The following ZFHX3 variants were observed in gnomAD, a reference collection of about 807,000 sequenced individuals.
ZFHX3 encodes zinc finger homeobox 3.
A neutral mutation model predicts 279.1 loss-of-function variants in ZFHX3; 42 were observed. The ratio of observed to expected loss-of-function variants is 0.15; its 90% CI spans 0.12 to 0.19. ZFHX3 has a LOEUF of 0.19. Ranked by LOEUF, ZFHX3 falls within the 10% of genes least tolerant of loss-of-function variation. The probability of loss-of-function intolerance (pLI) is 1.00; values close to 1 mark genes in which losing one functional copy is unlikely to be tolerated. For synonymous variants in ZFHX3, 2,293 were observed against 1,957.8 expected, an observed-to-expected ratio of 1.17 and a Z score of -4.52; for missense variants, 4,981 against 4,754.0, an observed-to-expected ratio of 1.05 and a Z score of -1.40.
At chr16:73,486,442 G>A (rs888128486) in intron 2 of ZFHX3, among the ~76,000 whole-genome samples, 6 of 132,364 alleles carry the variant, frequency 4.5e-5, no homozygotes, top group African/African-American at 9.7e-5. Context: ...TGCTTTGTTT[G>A]TGTGTGTTTG....
At chr16:73,383,868 AAC>A (rs1033458493) in intron 3 of ZFHX3, among the ~76,000 whole-genome samples, 3 of 152,248 alleles carry the variant, frequency 2.0e-5, no homozygotes, top group African/African-American at 7.2e-5. Flanking sequence ...GCTCTGCACA[AAC>A]ACACATTTCT....
At chr16:73,415,544 C>T (rs1056674409) in intron 3 of ZFHX3, among the ~76,000 whole-genome samples, 3 of 152,188 alleles carry the variant, frequency 2.0e-5, no homozygotes, top group Non-Finnish European at 4.4e-5. Context: ...GACTTCATCC[C>T]AAATGGAGCT....
intron 3 of ZFHX3, among the ~76,000 whole-genome samples, chr16:73,436,526 G>C (rs896010650): frequency 3.3e-5 from 5 of 152,112 alleles, no homozygotes; most frequent in Non-Finnish European, 4.4e-5. Context: ...CCACCCCCAC[G>C]ATTCAGTTAT....
Position 73,465,458 on chromosome 16 carries a change from G to A in ZFHX3, c.-1546-9200C>T, listed in dbSNP as rs555065643. On this transcript the variant is annotated intron_variant, in intron 2 of 17. Transcript: ENST00000641206. Reference sequence around the variant, plus strand: ...CGCCACCTCGAAAGCTGCCTCGCCCGTCTCCTCCTGGTGCCTCTGAGGTCT... The same window carrying A: ...CGCCACCTCGAAAGCTGCCTCGCCCATCTCCTCCTGGTGCCTCTGAGGTCT... 1.7e-4 allele frequency among the ~76,000 whole-genome samples: 26 copies of A among 152,198 alleles called. No homozygotes were observed. In the South Asian group the frequency reaches 2.5e-3, roughly 15 times the overall value.
intron 2 of ZFHX3, among the ~76,000 whole-genome samples, chr16:73,549,240 T>C (rs2020168620): frequency 6.6e-6 from 1 of 152,156 alleles, no homozygotes; most frequent in South Asian, 2.1e-4. Flanking sequence ...AAATATTGCA[T>C]GGAAATCAAT....
At chr16:73,693,765 T>C (rs879407026) in intron 1 of ZFHX3, among the ~76,000 whole-genome samples, 17 of 152,120 alleles carry the variant, frequency 1.1e-4, no homozygotes, top group Admixed American at 3.3e-4. Flanking sequence ...ATATCCACCT[T>C]CCATTTACAA....
intron 3 of ZFHX3, among the ~76,000 whole-genome samples, chr16:73,431,168 T>A (rs1426185701): frequency 6.6e-6 from 1 of 152,204 alleles, no homozygotes; most frequent in Non-Finnish European, 1.5e-5. Flanking sequence ...TTATACATGC[T>A]AAGGTAGTCT....
chr16:73,642,547 A>G (rs896965133), intron 2 of ZFHX3, among the ~76,000 whole-genome samples: 3 of 152,210 alleles, frequency 2.0e-5, no homozygotes, highest in African/African-American at 7.2e-5. Flanking sequence ...GTTTACAGCC[A>G]CTTGAAATAT....
intron 2 of ZFHX3, among the ~76,000 whole-genome samples, chr16:73,514,657 C>T (rs1003958359): frequency 1.3e-5 from 2 of 152,190 alleles, no homozygotes; most frequent in African/African-American, 2.4e-5. Flanking sequence ...TTACAAGTGA[C>T]GAGCTGAAGC....
chr16:73,315,014 G>A (rs1448836807), intron 4 of ZFHX3, among the ~76,000 whole-genome samples: 1 of 152,078 alleles, frequency 6.6e-6, no homozygotes, highest in Non-Finnish European at 1.5e-5. Flanking sequence ...GATCACCTAA[G>A]GTCAGGAGTT....
At chr16:73,453,337 T>C (rs1597341161) in intron 3 of ZFHX3, among the ~76,000 whole-genome samples, 1 of 152,232 alleles carries the variant, frequency 6.6e-6, no homozygotes. Flanking sequence ...TAATTGGATG[T>C]GGAAGAGGTG....
intron 3 of ZFHX3, among the ~76,000 whole-genome samples, chr16:73,341,445 GA>G (rs1597292404): frequency 6.6e-6 from 1 of 152,016 alleles, no homozygotes; most frequent in African/African-American, 2.4e-5. Flanking sequence ...TTAAACATAA[GA>G]AAAAAATGTT....
At chr16:73,562,236 A>G (rs2020380050) in intron 2 of ZFHX3, among the ~76,000 whole-genome samples, 2 of 152,198 alleles carry the variant, frequency 1.3e-5, no homozygotes, top group African/African-American at 4.8e-5. Context: ...AAAATGTTCT[A>G]GACTGAAGGT....
At chr16:73,499,932 G>C (rs2019205977) in intron 2 of ZFHX3, 2 of 152,082 alleles carry the variant, frequency 1.3e-5, no homozygotes, top group African/African-American at 4.8e-5. Context: ...GATGTTGCTG[G>C]TACCAACAAA....
At chr16:73,813,271 T>C (rs1960474306) in intron 1 of ZFHX3, among the ~76,000 whole-genome samples, 1 of 151,670 alleles carries the variant, frequency 6.6e-6, no homozygotes, top group Non-Finnish European at 1.5e-5. Flanking sequence ...AGTTAATGTT[T>C]GGACAAGAGA....
intron 3 of ZFHX3, among the ~76,000 whole-genome samples, chr16:73,406,638 C>T (rs1378035996): frequency 6.6e-6 from 1 of 152,172 alleles, no homozygotes; most frequent in African/African-American, 2.4e-5. Context: ...GCACACCTAA[C>T]CCATATGCAT....
intron 2 of ZFHX3, among the ~76,000 whole-genome samples, chr16:73,627,028 T>C (rs1212152287): frequency 6.6e-6 from 1 of 152,186 alleles, no homozygotes; most frequent in African/African-American, 2.4e-5. Flanking sequence ...TAGAGAAGAT[T>C]GATATGGAAA....
intron 1 of ZFHX3, among the ~76,000 whole-genome samples, chr16:73,856,142 C>G (rs1961721227): frequency 6.6e-6 from 1 of 152,110 alleles, no homozygotes; most frequent in Non-Finnish European, 1.5e-5. Flanking sequence ...ATAACCTATA[C>G]AAAAGCTTAT....
intron 1 of ZFHX3, among the ~76,000 whole-genome samples, chr16:73,712,728 GTGTT>G (rs2053376040): frequency 1.3e-5 from 2 of 152,328 alleles, no homozygotes; most frequent in South Asian, 4.1e-4. Context: ...ATCAGCATCA[GTGTT>G]CTGCAAAATC....
Sources: gnomAD v4.1 joint callset for allele counts (sites outside exome capture counted in the v4.1 genomes callset) on GRCh38, gnomAD v4.1.1 for gene constraint, MANE v1.5 for transcripts, NCBI Gene and HGNC (gene_info 2026-07-23, HGNC 2026-07-21) for gene names.